The following EXOC5 variants were observed in gnomAD, a reference collection of about 807,000 sequenced individuals.
EXOC5 encodes the protein exocyst complex component 5, also known as SEC10-like 1.
A neutral mutation model predicts 90.8 loss-of-function variants in EXOC5; 17 were observed. The ratio of observed to expected loss-of-function variants is 0.19; its 90% CI spans 0.13 to 0.28. The LOEUF (loss-of-function observed/expected upper bound fraction) is 0.28, where lower values mean the gene tolerates loss of function less well. Ranked by LOEUF, EXOC5 falls within the 10% of genes least tolerant of loss-of-function variation. The pLI, the probability that EXOC5 is intolerant of heterozygous loss-of-function variation, is 1.00. For missense variants in EXOC5, 569 were observed against 830.6 expected, an observed-to-expected ratio of 0.69 and a Z score of 3.87; for synonymous variants, 260 against 270.0, an observed-to-expected ratio of 0.96 and a Z score of 0.36.
chr14:57,268,585 C>T (rs769623800), intron 1 of EXOC5, 37 bp downstream of exon 1: 3 of 1,573,412 alleles, frequency 1.9e-6, no homozygotes, highest in Non-Finnish European at 1.7e-6. Context: ...CTGCAAACCC[C>T]GGGCCTGCCA....
rs531740112 is a variant in EXOC5, at chr14:57,218,553, A to G, written c.1527-485T>C. ...CCATATTTGCCTTCTGAATGCTATC[A>G]GAATGTCAAAACATTCAAAATATTA... is the stretch of plus-strand genomic sequence containing the variant. On this transcript the variant is annotated intron_variant, in intron 14 of 17. Coordinates refer to ENST00000621441, the MANE Select transcript of EXOC5 (RefSeq NM_006544.4). 2.4e-4 allele frequency among the ~76,000 whole-genome samples: 36 copies of G among 152,192 alleles called. 1 individual carries two copies. In the South Asian group the frequency reaches 7.2e-3, roughly 31 times the overall value.
intron 1 of EXOC5, among the ~76,000 whole-genome samples, chr14:57,266,251 G>C (rs780836072): frequency 2.0e-5 from 3 of 152,168 alleles, no homozygotes; most frequent in Non-Finnish European, 4.4e-5. Context: ...AGGGAAGCAG[G>C]AGAAAAAGAT....
At chr14:57,216,450 C>A (rs1254819586) in intron 15 of EXOC5, among the ~76,000 whole-genome samples, 2 of 152,006 alleles carry the variant, frequency 1.3e-5, no homozygotes, top group Non-Finnish European at 2.9e-5. Context: ...ATACACAGCC[C>A]AATGGAACAG....
At position 57,207,773 on chromosome 14, in the gene EXOC5, T is replaced by A. The variant is rs1216235912; in HGVS notation, c.*836A>T. On this transcript the variant is annotated 3_prime_UTR_variant, in exon 18 of 18. Coordinates refer to ENST00000621441, the MANE Select transcript of EXOC5 (RefSeq NM_006544.4). ...GCACCATTTAGACTATACCTCACTT[T>A]TTTTTACTTCCCTTATAATATTAAA... The A allele has an allele frequency of 6.6e-6, 1 of 152,136 alleles. No homozygotes were observed. Among genetic ancestry groups the A allele is most frequent in the Non-Finnish European group, 1.5e-5 (1 of 67,994 alleles). 9.4% of individuals were successfully genotyped at this position (152,136 alleles called of 1,614,324 possible).
At chr14:57,216,912 A>G (rs2139615255) in intron 15 of EXOC5, among the ~76,000 whole-genome samples, 1 of 152,310 alleles carries the variant, frequency 6.6e-6, no homozygotes, top group South Asian at 2.1e-4. Flanking sequence ...TAAGGAACTC[A>G]AACAACTCAA....
intron 1 of EXOC5, among the ~76,000 whole-genome samples, chr14:57,251,737 AAAC>A (rs144175396): frequency 0.24 from 36,672 of 151,668 alleles, 10,686 homozygotes; most frequent in African/African-American, 0.7. Context: ...GAGAATAAAG[AAAC>A]AATAGGAAAA....
intron 12 of EXOC5, among the ~76,000 whole-genome samples, chr14:57,224,231 T>C (rs752261883): frequency 6.7e-6 from 1 of 149,586 alleles, no homozygotes; most frequent in Non-Finnish European, 1.5e-5. Flanking sequence ...TAATAAAGAG[T>C]AGAAATTGAT....
At chr14:57,242,835 G>A (rs1292994322) in intron 4 of EXOC5, among the ~76,000 whole-genome samples, 1 of 152,118 alleles carries the variant, frequency 6.6e-6, no homozygotes, top group Non-Finnish European at 1.5e-5. Flanking sequence ...GCAAAGATAT[G>A]GAACCAACCT....
intron 13 of EXOC5, among the ~76,000 whole-genome samples, chr14:57,219,780 A>C (rs1594652075): frequency 6.6e-6 from 1 of 152,180 alleles, no homozygotes; most frequent in East Asian, 1.9e-4. Context: ...TCCTCATTCA[A>C]GTCTCTTTAC....
chr14:57,238,959 A>T (rs1883766969), intron 5 of EXOC5, among the ~76,000 whole-genome samples: 1 of 152,098 alleles, frequency 6.6e-6, no homozygotes. Context: ...CATACACTAG[A>T]AGAAATCATG....
At chr14:57,231,121 G>C (rs1242692792) in intron 11 of EXOC5, among the ~76,000 whole-genome samples, 1 of 150,896 alleles carries the variant, frequency 6.6e-6, no homozygotes, top group Non-Finnish European at 1.5e-5. Flanking sequence ...TGATTCTCCT[G>C]CTTCAGCCTC....
chr14:57,222,063 G>C (rs1019709716), intron 13 of EXOC5, among the ~76,000 whole-genome samples: 1 of 151,826 alleles, frequency 6.6e-6, no homozygotes, highest in Non-Finnish European at 1.5e-5. Flanking sequence ...GTAAGACATT[G>C]TGTCATACAT....
chr14:57,221,885 T>C (rs981512806), intron 13 of EXOC5, among the ~76,000 whole-genome samples: 1 of 152,168 alleles, frequency 6.6e-6, no homozygotes, highest in African/African-American at 2.4e-5. Flanking sequence ...CAATACTAAC[T>C]ACTAAGACCA....
At position 57,231,566 on chromosome 14, in the gene EXOC5, A is replaced by G. The variant is rs940547119; in HGVS notation, c.1088T>C (p.Met363Thr). The G allele has an allele frequency of 9.3e-6, 15 of 1,612,786 alleles. No individual in the cohort carries two copies. Among genetic ancestry groups the G allele is most frequent in the Non-Finnish European group, 1.3e-5 (15 of 1,179,760 alleles). ...ETGYLKSRSA[M>T]ILQRYYDSKN... ...CGAATCATAATAGCGCTGTAGGATC[A>G]TAGCACTTCTGCTTTTCAAATATCC... The change falls in exon 11 of 18, where the codon ATG (methionine) becomes ACG (threonine). Residue 363 changes from methionine to threonine, a missense_variant. Physicochemically the swap from Met to Thr is moderately conservative, Grantham distance 81. Around this residue, in one of 9 missense-constraint regions of EXOC5, gnomAD observed 69 missense variants for 115.5 expected, o/e 0.60. Coordinates refer to ENST00000621441, the MANE Select transcript of EXOC5 (RefSeq NM_006544.4).
In EXOC5 at chr14:57,205,707, G is replaced by C; in HGVS notation, c.*2902C>G. On this transcript the variant is annotated 3_prime_UTR_variant, in exon 18 of 18. Transcript: ENST00000621441. ...AAATTATTTCACTGTGAACCAGAAGGCTAGTATTTAGAAAGCAAAATATTT... is the reference window on the plus strand; with the variant it reads ...AAATTATTTCACTGTGAACCAGAAGCCTAGTATTTAGAAAGCAAAATATTT... 2.8e-6 allele frequency: 1 copy of C among 360,106 alleles called. No individual in the cohort carries two copies. The highest frequency in any genetic ancestry group is 5.3e-6 in the Non-Finnish European group (1 of 187,870). 22.3% of individuals were successfully genotyped at this position (360,106 alleles called of 1,614,324 possible).
chr14:57,267,781 C>T (rs1884723611), intron 1 of EXOC5, among the ~76,000 whole-genome samples: 2 of 152,126 alleles, frequency 1.3e-5, no homozygotes, highest in Admixed American at 6.5e-5. Context: ...ACTGTAAACG[C>T]TCGAGGAAAG....
At chr14:57,257,805 A>G (rs904330282) in intron 1 of EXOC5, among the ~76,000 whole-genome samples, 3 of 152,220 alleles carry the variant, frequency 2.0e-5, no homozygotes, top group African/African-American at 7.2e-5. Flanking sequence ...CCAAATTAAC[A>G]AATCCTAAGA....
At chr14:57,226,087 G>C (rs1384254407) in intron 12 of EXOC5, among the ~76,000 whole-genome samples, 1 of 152,178 alleles carries the variant, frequency 6.6e-6, no homozygotes, top group African/African-American at 2.4e-5. Flanking sequence ...GGTGAGCTGA[G>C]GGATGACTTG....
chr14:57,234,370 C>G (rs75422121), intron 7 of EXOC5, among the ~76,000 whole-genome samples: 2,161 of 151,638 alleles, frequency 0.014, 52 homozygotes, highest in East Asian at 0.09. Flanking sequence ...AACACACCCA[C>G]TCACACCCAC....
Sources: gnomAD v4.1 joint callset for allele counts (sites outside exome capture counted in the v4.1 genomes callset) on GRCh38, gnomAD v4.1.1 for gene constraint, gnomAD v4.1.1 regional missense constraint, MANE v1.5 for transcripts, NCBI Gene and HGNC (gene_info 2026-07-23, HGNC 2026-07-21) for gene names.